The following RPS6KC1 variants were observed in gnomAD, a reference collection of about 807,000 sequenced individuals.
RPS6KC1 encodes the protein ribosomal protein S6 kinase C1.
Under a neutral mutation model 103.8 loss-of-function variants are expected in RPS6KC1, and 54 were observed. The ratio of observed to expected loss-of-function variants is 0.52; its 90% CI spans 0.42 to 0.65. RPS6KC1 has a LOEUF of 0.65. Ranked by LOEUF, RPS6KC1 falls within the 30% of genes least tolerant of loss-of-function variation. The pLI, the probability that RPS6KC1 is intolerant of heterozygous loss-of-function variation, is 0.00. For missense variants in RPS6KC1, 1,151 were observed against 1,253.8 expected (o/e 0.92, Z 1.24); for synonymous variants, 439 against 438.7 (o/e 1.00, Z -0.01).
chr1:213,670,491 G>T, the RPS6KC1 span, among the ~76,000 whole-genome samples: 1 of 152,340 alleles, frequency 6.6e-6, no homozygotes, highest in African/African-American at 2.4e-5. Context: ...TCTGATTTGT[G>T]ATAGATCAAA....
chr1:213,742,492 G>A, the RPS6KC1 span, among the ~76,000 whole-genome samples: 20 of 152,208 alleles, frequency 1.3e-4, no homozygotes, highest in Non-Finnish European at 2.2e-4. Context: ...CATTTTAGCT[G>A]AAGAATACCT....
At chr1:213,061,541 TGCCTATGTGA>T (rs1235938091) in intron 1 of RPS6KC1, among the ~76,000 whole-genome samples, 18 of 150,666 alleles carry the variant, frequency 1.2e-4, no homozygotes, top group African/African-American at 3.9e-4. Flanking sequence ...AGGTAACAAT[TGCCTATGTGA>T]GCTGGGTGCT....
chr1:213,499,155 T>A, the RPS6KC1 span, among the ~76,000 whole-genome samples: 1 of 152,200 alleles, frequency 6.6e-6, no homozygotes, highest in Non-Finnish European at 1.5e-5. Context: ...TTAAAGATCA[T>A]GATGCCTGTT....
At chr1:213,562,442 T>G in the RPS6KC1 span, among the ~76,000 whole-genome samples, 3 of 126,994 alleles carry the variant, frequency 2.4e-5, no homozygotes, top group African/African-American at 8.5e-5. Context: ...CAGGCTGGAG[T>G]GCAGTGGTGC....
chr1:213,135,892 T>G (rs1437924410), intron 6 of RPS6KC1, among the ~76,000 whole-genome samples: 2 of 152,198 alleles, frequency 1.3e-5, no homozygotes, highest in East Asian at 1.9e-4. Flanking sequence ...GAGAGTTGCT[T>G]TTTAAATTAT....
At chr1:213,492,379 C>A in the RPS6KC1 span, 7 of 152,246 alleles carry the variant, frequency 4.6e-5, no homozygotes, top group Non-Finnish European at 7.3e-5. Flanking sequence ...TGAGAAGCAG[C>A]TTTGTTTAGC....
At chr1:213,233,264 C>T (rs1024664202) in intron 10 of RPS6KC1, among the ~76,000 whole-genome samples, 8 of 152,104 alleles carry the variant, frequency 5.3e-5, no homozygotes, top group African/African-American at 1.4e-4. Context: ...GCTCTGTGGT[C>T]TCTCAGGTAT....
chr1:213,689,838 A>G, the RPS6KC1 span, among the ~76,000 whole-genome samples: 1 of 152,226 alleles, frequency 6.6e-6, no homozygotes, highest in Non-Finnish European at 1.5e-5. Context: ...AAATCTGGAG[A>G]ACCCCTTCTG....
chr1:213,312,784 C>T, the RPS6KC1 span, among the ~76,000 whole-genome samples: 9 of 152,298 alleles, frequency 5.9e-5, no homozygotes, highest in Admixed American at 3.3e-4. Flanking sequence ...TTACCTTTCT[C>T]GAGGTGTTTT....
the RPS6KC1 span, among the ~76,000 whole-genome samples, chr1:213,463,065 A>G: frequency 6.6e-6 from 1 of 152,256 alleles, no homozygotes; most frequent in Non-Finnish European, 1.5e-5. Context: ...AGTAAGGTTC[A>G]TCACTGTCCT....
the RPS6KC1 span, among the ~76,000 whole-genome samples, chr1:213,393,977 G>A: frequency 1.5e-3 from 236 of 152,258 alleles, 1 homozygote; most frequent in Admixed American, 2.4e-3. Context: ...GAGCACCAGC[G>A]CAGGGATTAG....
At chr1:213,176,093 T>G (rs1230891905) in intron 7 of RPS6KC1, among the ~76,000 whole-genome samples, 1 of 152,216 alleles carries the variant, frequency 6.6e-6, no homozygotes, top group Non-Finnish European at 1.5e-5. Flanking sequence ...AGTTTTATGA[T>G]AGCTGTATGG....
the RPS6KC1 span, among the ~76,000 whole-genome samples, chr1:213,671,392 G>A: frequency 4.6e-5 from 7 of 152,238 alleles, no homozygotes; most frequent in African/African-American, 1.7e-4. Context: ...AGGGGAACGG[G>A]GAGATGTTGG....
chr1:213,184,406 TAAATTCATTA>T, intron 8 of RPS6KC1, among the ~76,000 whole-genome samples: 1 of 152,154 alleles, frequency 6.6e-6, no homozygotes, highest in Non-Finnish European at 1.5e-5. Context: ...TAAATTCATT[TAAATTCATTA>T]ATTTCATTAA....
At chr1:213,065,980 CTG>C (rs1276832357) in intron 1 of RPS6KC1, among the ~76,000 whole-genome samples, 1 of 152,174 alleles carries the variant, frequency 6.6e-6, no homozygotes, top group Non-Finnish European at 1.5e-5. Context: ...AGACAGGACT[CTG>C]AACCACCTTG....
the RPS6KC1 span, among the ~76,000 whole-genome samples, chr1:213,491,144 A>G: frequency 1.3e-5 from 2 of 152,176 alleles, no homozygotes; most frequent in African/African-American, 4.8e-5. Flanking sequence ...TATCTGGAAC[A>G]AAATGTGTCT....
chr1:213,243,047 A>G (rs1401842225), intron 12 of RPS6KC1, among the ~76,000 whole-genome samples: 1 of 151,954 alleles, frequency 6.6e-6, no homozygotes, highest in African/African-American at 2.4e-5. Flanking sequence ...ACAGGCTGGA[A>G]TGCAGTGGTG....
At chr1:213,491,472 C>A in the RPS6KC1 span, among the ~76,000 whole-genome samples, 11 of 152,122 alleles carry the variant, frequency 7.2e-5, no homozygotes. Flanking sequence ...CACTTGAGCC[C>A]AGGAGGCAGA....
the RPS6KC1 span, among the ~76,000 whole-genome samples, chr1:213,834,818 A>G: frequency 1.3e-5 from 2 of 152,112 alleles, no homozygotes; most frequent in African/African-American, 4.8e-5. Context: ...CGCATTCTGT[A>G]TTTGATACAG....
Sources: gnomAD v4.1 joint callset for allele counts (sites outside exome capture counted in the v4.1 genomes callset) on GRCh38, gnomAD v4.1.1 for gene constraint, MANE v1.5 for transcripts, NCBI Gene and HGNC (gene_info 2026-07-23, HGNC 2026-07-21) for gene names.